Variants in RANBP3L observed in about 807,000 individuals in gnomAD.
RANBP3L encodes the protein ran-binding protein 3-like.
In RANBP3L, 56 loss-of-function variants were observed where a neutral mutation model predicts 67.2. The observed-to-expected ratio is 0.83, with a 90% confidence interval of 0.67 to 1.04. The LOEUF (loss-of-function observed/expected upper bound fraction) is 1.04, where lower values mean the gene tolerates loss of function less well. Ranked by LOEUF, RANBP3L falls within the 50% of genes least tolerant of loss-of-function variation. RANBP3L has a pLI of 0.00. For missense variants in RANBP3L, 496 were observed against 535.5 expected, an observed-to-expected ratio of 0.93 and a Z score of 0.73; for synonymous variants, 164 against 181.4, an observed-to-expected ratio of 0.90 and a Z score of 0.77.
At chr5:36,294,975 T>C (rs191715391) in intron 1 of RANBP3L, among the ~76,000 whole-genome samples, 64 of 150,188 alleles carry the variant, frequency 4.3e-4, no homozygotes, top group African/African-American at 1.6e-3. Context: ...TGTATACATA[T>C]ATATACACAC....
intron 4 of RANBP3L, among the ~76,000 whole-genome samples, chr5:36,267,873 T>C (rs6890702): frequency 0.31 from 47,042 of 152,006 alleles, 8,854 homozygotes; most frequent in South Asian, 0.49. Flanking sequence ...CATTATAAAC[T>C]ATGTAGATGG....
chr5:36,279,240 A>T (rs868315759), intron 1 of RANBP3L, among the ~76,000 whole-genome samples: 1 of 152,200 alleles, frequency 6.6e-6, no homozygotes, highest in African/African-American at 2.4e-5. Context: ...GGCAAATTGT[A>T]TCCCCAGAGG....
At chr5:36,288,606 G>T (rs1299528344) in intron 1 of RANBP3L, among the ~76,000 whole-genome samples, 1 of 152,052 alleles carries the variant, frequency 6.6e-6, no homozygotes, top group Non-Finnish European at 1.5e-5. Context: ...AGTGAGTTCT[G>T]GTTGTTTCAC....
intron 4 of RANBP3L, among the ~76,000 whole-genome samples, chr5:36,267,518 A>C (rs9292622): frequency 4.0e-5 from 6 of 148,438 alleles, no homozygotes; most frequent in African/African-American, 1.5e-4. Context: ...AAAAAAAAAA[A>C]AAAGAAAGAA....
intron 1 of RANBP3L, among the ~76,000 whole-genome samples, chr5:36,300,630 C>T (rs746518079): frequency 3.3e-5 from 5 of 152,144 alleles, no homozygotes; most frequent in African/African-American, 9.7e-5. Flanking sequence ...AGAGACCCAG[C>T]CTTTCCCACA....
chr5:36,293,540 G>T (rs1232576331), intron 1 of RANBP3L, among the ~76,000 whole-genome samples: 7 of 149,546 alleles, frequency 4.7e-5, no homozygotes, highest in African/African-American at 7.4e-5. Flanking sequence ...CTGTGGGTTT[G>T]TCATAGATAG....
At chr5:36,286,754 A>T (rs957449016) in intron 1 of RANBP3L, among the ~76,000 whole-genome samples, 5 of 152,200 alleles carry the variant, frequency 3.3e-5, no homozygotes, top group African/African-American at 1.2e-4. Flanking sequence ...ATGTAGACCA[A>T]GTGTGATTTC....
rs1749429220 is a variant in RANBP3L at position 36,261,998 on chromosome 5, C to G, written c.525G>C (p.Arg175Ser). The change falls in exon 7 of 14, where the codon AGG becomes AGC. Residue 175 changes from arginine (R) to serine (S), a missense_variant. Arg to Ser is a moderately radical substitution (Grantham distance 110). Coordinates refer to ENST00000296604, the MANE Select transcript of RANBP3L (RefSeq NM_145000.5). ...TAGACAGCTGGACTGAAATTCTAGCCCTTGATAAATTTTCACTTAACAAAT... is the reference window on the plus strand; with the variant it reads ...TAGACAGCTGGACTGAAATTCTAGCGCTTGATAAATTTTCACTTAACAAAT... ...NSYLLSENLS[R>S]ARISVQLSTN... The G allele has an allele frequency of 6.2e-7, 1 of 1,605,724 alleles. No homozygotes were observed. Among genetic ancestry groups the G allele is most frequent in the Non-Finnish European group, 8.5e-7 (1 of 1,174,036 alleles).
intron 1 of RANBP3L, among the ~76,000 whole-genome samples, chr5:36,294,764 T>A (rs1752069591): frequency 6.7e-6 from 1 of 149,652 alleles, no homozygotes; most frequent in Non-Finnish European, 1.5e-5. Flanking sequence ...ATAGTGTGTG[T>A]ATATATATAG....
intron 7 of RANBP3L, among the ~76,000 whole-genome samples, chr5:36,261,171 G>A (rs1294690064): frequency 2.6e-5 from 4 of 152,148 alleles, no homozygotes; most frequent in African/African-American, 4.8e-5. Flanking sequence ...AACACACCCT[G>A]TCTAGTATCT....
chr5:36,295,078 C>T (rs745979285), intron 1 of RANBP3L, among the ~76,000 whole-genome samples: 2 of 151,772 alleles, frequency 1.3e-5, no homozygotes, highest in African/African-American at 2.4e-5. Flanking sequence ...ATAATACTAC[C>T]ATGAGCATAG....
chr5:36,274,003 G>C (rs1750405667), intron 1 of RANBP3L, among the ~76,000 whole-genome samples: 1 of 152,136 alleles, frequency 6.6e-6, no homozygotes, highest in Non-Finnish European at 1.5e-5. Flanking sequence ...GGAAAAGCCA[G>C]CTGTAACCAA....
In RANBP3L at chr5:36,264,974, T is replaced by C. The variant is rs765639748; in HGVS notation, c.465A>G (p.Glu155=). The C allele has an allele frequency of 6.2e-7, 1 of 1,612,970 alleles. No individual in the cohort carries two copies. The highest frequency in any genetic ancestry group is 1.1e-5 in the South Asian group (1 of 90,616). Residue 155 remains glutamate, a synonymous_variant, in exon 6 of 14, where the codon GAA becomes GAG. Coordinates refer to ENST00000296604, the MANE Select transcript of RANBP3L (RefSeq NM_145000.5). The part of the protein sequence containing the change: ...HKALESCKTK[E]KTNNKISEGN... ...GCTTTCTCACCTTATTATTTGTTTT[T>C]TCTTTAGTCTTGCAAGATTCCAGTG...
chr5:36,296,376 G>C (rs1752216456), intron 1 of RANBP3L, among the ~76,000 whole-genome samples: 1 of 152,104 alleles, frequency 6.6e-6, no homozygotes, highest in Non-Finnish European at 1.5e-5. Context: ...TGTCAGAATT[G>C]AATTGAATTG....
At chr5:36,288,818 T>C (rs1289317345) in intron 1 of RANBP3L, among the ~76,000 whole-genome samples, 1 of 152,164 alleles carries the variant, frequency 6.6e-6, no homozygotes, top group Non-Finnish European at 1.5e-5. Flanking sequence ...TCAAATTGTT[T>C]ATCATGAGCT....
At chr5:36,285,986 G>A (rs6451271) in intron 1 of RANBP3L, among the ~76,000 whole-genome samples, 136,604 of 152,192 alleles carry the variant, frequency 0.9, 62,759 homozygotes, top group Non-Finnish European at 0.99. Context: ...AGGTCCCAGT[G>A]TCCATTAATG....
chr5:36,246,982 AAGTT>A lies in RANBP3L; in HGVS notation c.*2668_*2671del, dbSNP rs373850759. The stretch of plus-strand genomic sequence containing the variant: ...AGTTGGGTAAAATCTTACTAAAAGA[AAGTT>A]AAGGTTGTCTTAACACAAGATATAT... On this transcript the variant is annotated 3_prime_UTR_variant, in exon 14 of 14. Coordinates refer to ENST00000296604, the MANE Select transcript of RANBP3L (RefSeq NM_145000.5). 8.3e-4 allele frequency among the ~76,000 whole-genome samples: 127 copies of A among 152,348 alleles called. No homozygotes were observed. The highest frequency in any genetic ancestry group is 2.6e-3 in the African/African-American group (110 of 41,576).
At position 36,293,105 on chromosome 5, in the gene RANBP3L, G is replaced by A. The variant is rs373866456; in HGVS notation, c.91+8221C>T. ...GCAGTGGTTTGTAGTTCTCCTTGAAGAGGTCCTTCACATCCCTTGTAAGTT... is the reference window on the plus strand; with the variant it reads ...GCAGTGGTTTGTAGTTCTCCTTGAAAAGGTCCTTCACATCCCTTGTAAGTT... On this transcript the variant is annotated intron_variant, in intron 1 of 13. Coordinates refer to ENST00000296604, the MANE Select transcript of RANBP3L (RefSeq NM_145000.5). Among the ~76,000 whole-genome samples the A allele has an allele frequency of 7.8e-3, 813 of 104,816 alleles. 6 individuals are homozygous for A. The highest frequency in any genetic ancestry group is 0.012 in the Middle Eastern group (3 of 256). The allele number at this position is 104,816 out of a possible 152,430, so 68.8% of individuals were successfully genotyped here.
intron 1 of RANBP3L, among the ~76,000 whole-genome samples, chr5:36,274,305 A>G (rs1177618116): frequency 6.6e-6 from 1 of 152,168 alleles, no homozygotes; most frequent in Non-Finnish European, 1.5e-5. Flanking sequence ...GCAATTATTG[A>G]AGTTCAACTG....
Sources: allele counts gnomAD v4.1 joint callset (sites outside exome capture counted in the v4.1 genomes callset), GRCh38; gene constraint gnomAD v4.1.1; transcripts MANE v1.5; gene names NCBI Gene and HGNC (gene_info 2026-07-23, HGNC 2026-07-21).